Variants in USP34 observed in about 807,000 individuals in gnomAD.
USP34 encodes the protein ubiquitin specific peptidase 34.
USP34 carries 70 observed loss-of-function variants against 460.3 expected under a neutral mutation model. The ratio of observed to expected loss-of-function variants is 0.15; its 90% CI spans 0.13 to 0.19. USP34 has a LOEUF of 0.19. USP34 is among the 10% of genes least tolerant of loss of function. The probability of loss-of-function intolerance (pLI) is 1.00; values close to 1 mark genes in which losing one functional copy is unlikely to be tolerated. For missense variants in USP34, 3,985 were observed against 4,236.2 expected (o/e 0.94, Z 1.65); for synonymous variants, 1,647 against 1,405.3 (o/e 1.17, Z -3.85).
intron 62 of USP34, among the ~76,000 whole-genome samples, chr2:61,224,765 T>C (rs1687681678): frequency 6.6e-6 from 1 of 152,190 alleles, no homozygotes; most frequent in African/African-American, 2.4e-5. Context: ...GATTTAAACA[T>C]CTTTGATGTG....
At chr2:61,370,731 C>T in intron 8 of USP34, 152 bp from the exon 9 acceptor site, 1 of 654,886 alleles carries the variant, frequency 1.5e-6, no homozygotes, top group Non-Finnish European at 2.6e-6. Context: ...CAAAGCATAA[C>T]TAGAATGAAA....
At chr2:61,337,654 T>C (rs949637176) in intron 18 of USP34, among the ~76,000 whole-genome samples, 13 of 152,290 alleles carry the variant, frequency 8.5e-5, no homozygotes, top group Non-Finnish European at 1.8e-4. Flanking sequence ...GGCGAGGTTT[T>C]ACCACATTGC....
chr2:61,365,256 T>TACACACACACACACACACAC (rs34689463), intron 10 of USP34, among the ~76,000 whole-genome samples: 43 of 142,446 alleles, frequency 3.0e-4, no homozygotes, highest in African/African-American at 9.8e-4. Context: ...CATTTCAAAA[T>TACACACACACACACACACAC]ACACACACAC....
intron 11 of USP34, 76 bp from the exon 12 acceptor site, chr2:61,350,465 C>T: frequency 6.4e-7 from 1 of 1,563,936 alleles, no homozygotes; most frequent in Non-Finnish European, 8.6e-7. Flanking sequence ...TTTTGTCAAA[C>T]TGAAATGCCA....
At chr2:61,243,470 T>A (rs1251831971) in intron 51 of USP34, among the ~76,000 whole-genome samples, 3 of 151,916 alleles carry the variant, frequency 2.0e-5, no homozygotes, top group Non-Finnish European at 4.4e-5. Flanking sequence ...TAAAGATACT[T>A]TACCATAAAA....
chr2:61,188,968 A>C lies in USP34; in HGVS notation c.9975T>G (p.Thr3325=). The change falls in exon 79 of 80, where the codon ACT becomes ACG. Residue 3325 remains threonine, a synonymous_variant. Coordinates refer to ENST00000398571, the MANE Select transcript of USP34 (RefSeq NM_014709.4). ...TLQELLSKCR[T]CLQQRNSLQE... ...GGAGTGAGTTTCTCTGTTGCAGACA[A>C]GTCCTGCATTTGCTTAAAAGCTCTT... is the stretch of plus-strand genomic sequence containing the variant. The C allele has an allele frequency of 1.2e-6, 2 of 1,614,194 alleles. No homozygotes were observed. Among genetic ancestry groups the C allele is most frequent in the Non-Finnish European group, 1.7e-6 (2 of 1,180,048 alleles).
At chr2:61,361,632 TC>T (rs1692278887) in intron 10 of USP34, among the ~76,000 whole-genome samples, 1 of 152,126 alleles carries the variant, frequency 6.6e-6, no homozygotes, top group Non-Finnish European at 1.5e-5. Context: ...TGGATCCTTA[TC>T]TTATACCACA....
chr2:61,254,328 G>A (rs1278077029), intron 48 of USP34, among the ~76,000 whole-genome samples: 1 of 152,140 alleles, frequency 6.6e-6, no homozygotes, highest in Non-Finnish European at 1.5e-5. Context: ...TAGCTCTTAA[G>A]TCTTTTCCAA....
At chr2:61,292,929 A>G (rs1275178514) in intron 33 of USP34, among the ~76,000 whole-genome samples, 2 of 152,124 alleles carry the variant, frequency 1.3e-5, no homozygotes, top group Admixed American at 6.5e-5. Flanking sequence ...AAAAAATTCC[A>G]TTTTGTTGAG....
chr2:61,367,999 A>G (rs965378746), intron 10 of USP34, among the ~76,000 whole-genome samples: 3 of 152,226 alleles, frequency 2.0e-5, no homozygotes, highest in African/African-American at 7.2e-5. Context: ...AATAAAGAAA[A>G]AAATTAGTAT....
At chr2:61,446,980 C>T (rs549908628) in intron 1 of USP34, among the ~76,000 whole-genome samples, 7 of 152,086 alleles carry the variant, frequency 4.6e-5, no homozygotes, top group African/African-American at 9.6e-5. Context: ...TTAGGCCGGG[C>T]GTGGTGGCTC....
chr2:61,257,891 CA>C (rs1688763146), intron 44 of USP34, among the ~76,000 whole-genome samples: 1 of 151,996 alleles, frequency 6.6e-6, no homozygotes, highest in Admixed American at 6.6e-5. Context: ...CAAAACAAAA[CA>C]AACAAAAAAA....
At position 61,235,940 on chromosome 2, in the gene USP34, G is replaced by A. The variant is rs185093709; in HGVS notation, c.6967-30C>T. ...AAAAGAAAAGTCAGTCAAAGCATAT[G>A]AACTTCTGAGCCAACAATAACAAAA... On this transcript the variant is annotated intron_variant, in intron 56 of 79. Transcript: ENST00000398571. 8.7e-6 allele frequency: 14 copies of A among 1,605,538 alleles called. No homozygotes were observed. In the Admixed American group the frequency reaches 1.4e-4, roughly 16 times the overall value.
intron 40 of USP34, 32 bp downstream of exon 40, chr2:61,278,356 A>AAT (rs768839102): frequency 1.2e-6 from 2 of 1,607,300 alleles, no homozygotes; most frequent in East Asian, 4.5e-5. Context: ...TTTCCTCGAC[A>AAT]ATATAAATGT....
chr2:61,210,850 A>T (rs745437305), intron 69 of USP34, among the ~76,000 whole-genome samples: 23 of 152,118 alleles, frequency 1.5e-4, no homozygotes, highest in Non-Finnish European at 3.1e-4. Context: ...AGCTGGGACT[A>T]CAGGTGCATG....
At chr2:61,333,766 T>C in intron 19 of USP34, 116 bp downstream of exon 19, 1 of 610,402 alleles carries the variant, frequency 1.6e-6, no homozygotes, top group Non-Finnish European at 2.5e-6. Flanking sequence ...ACAAACCACA[T>C]GAAACTCAAA....
chr2:61,456,236 A>G (rs1695434602), intron 1 of USP34, among the ~76,000 whole-genome samples: 1 of 152,194 alleles, frequency 6.6e-6, no homozygotes, highest in Non-Finnish European at 1.5e-5. Flanking sequence ...CATGGTAACA[A>G]CGTGCCAGAT....
intron 72 of USP34, among the ~76,000 whole-genome samples, chr2:61,205,740 C>A (rs1224520452): frequency 6.6e-6 from 1 of 152,166 alleles, no homozygotes; most frequent in Non-Finnish European, 1.5e-5. Context: ...ACCTTGCTTA[C>A]ATAGGATAAC....
chr2:61,319,354 T>C (rs1572930997), intron 21 of USP34, 27 bp from the exon 22 acceptor site: 1 of 1,456,428 alleles, frequency 6.9e-7, no homozygotes, highest in Non-Finnish European at 9.1e-7. Flanking sequence ...AATTTTATAC[T>C]TTATTAACTA....
Sources: gnomAD v4.1 joint callset for allele counts (sites outside exome capture counted in the v4.1 genomes callset) on GRCh38, gnomAD v4.1.1 for gene constraint, MANE v1.5 for transcripts, NCBI Gene and HGNC (gene_info 2026-07-23, HGNC 2026-07-21) for gene names.